The following FOXJ2 variants were observed in gnomAD, a reference collection of about 807,000 sequenced individuals.
The protein encoded by FOXJ2 is forkhead box protein J2.
Under a neutral mutation model 68.4 loss-of-function variants are expected in FOXJ2, and 18 were observed. That is an observed-to-expected ratio of 0.26 (90% CI 0.18 to 0.39). The LOEUF is 0.39. Among genes scored for constraint, FOXJ2 ranks in the 10% least tolerant of loss-of-function variants. FOXJ2 has a pLI of 1.00. For synonymous variants in FOXJ2, 274 were observed against 263.2 expected (o/e 1.04, Z -0.40); for missense variants, 670 against 726.5 (o/e 0.92, Z 0.89).
rs1433571553 is a variant in FOXJ2, at chr12:8,035,028, T to G, written c.-15+1195T>G. On this transcript the variant is annotated intron_variant, in intron 1 of 10. Coordinates refer to ENST00000162391, the MANE Select transcript of FOXJ2 (RefSeq NM_018416.3). The surrounding 1 kb of genome is among the most constrained non-coding windows in gnomAD (Gnocchi z 4.0). ...ATCTGACTTGGCCTTTCATATTTCC[T>G]CCTCTCTCTGGGGCATGGGTGAGGT... is the stretch of plus-strand genomic sequence containing the variant. Among the ~76,000 whole-genome samples, 1 of 152,156 alleles carries G rather than the reference T, an allele frequency of 6.6e-6. No individual in the cohort carries two copies. The highest frequency in any genetic ancestry group is 2.1e-4 in the South Asian group (1 of 4,824).
At chr12:8,042,106 GAC>G (rs941375194) in intron 2 of FOXJ2, among the ~76,000 whole-genome samples, 1 of 152,054 alleles carries the variant, frequency 6.6e-6, no homozygotes, top group African/African-American at 2.4e-5. Context: ...TCGAACTCCT[GAC>G]CTCAGGTGAT....
intron 5 of FOXJ2, 48 bp from the exon 6 acceptor site, chr12:8,044,712 G>A (rs377435807): frequency 5.9e-5 from 94 of 1,604,054 alleles, no homozygotes; most frequent in Non-Finnish European, 7.7e-5. Flanking sequence ...GGTTTTATTG[G>A]TCCCTCAGCT....
intron 9 of FOXJ2, 150 bp from the exon 10 acceptor site, chr12:8,050,372 C>G: frequency 7.1e-7 from 1 of 1,402,126 alleles, no homozygotes; most frequent in Non-Finnish European, 9.3e-7. Context: ...ACAGCTTCTG[C>G]AGAAAGCCTT....
Position 8,050,643 on chromosome 12 carries a change from C to A in FOXJ2, c.1636+23C>A, listed in dbSNP as rs1166457156. The A allele has an allele frequency of 1.9e-6, 3 of 1,613,194 alleles. No homozygotes were observed. The African/African-American group carries it at 4.0e-5, about 22-fold the overall frequency. On this transcript the variant is annotated intron_variant, in intron 10 of 10. Transcript: ENST00000162391. ...CAGGTAAGAGCTAAGAAGCTTGTTT[C>A]AAAACCGTTGTACTCTGATGAGTTG...
In FOXJ2 at chr12:8,040,183, A is replaced by G; in HGVS notation, c.333+18A>G. The G allele has an allele frequency of 6.2e-7, 1 of 1,611,512 alleles. No homozygotes were observed. The highest frequency in any genetic ancestry group is 8.5e-7 in the Non-Finnish European group (1 of 1,178,096). ...GTTGGAAGGTGGGAATGCTTCTATA[A>G]TCTTGGCTTAGGTTTAGGCTTCAAC... On this transcript the variant is annotated intron_variant, in intron 2 of 10. Coordinates refer to ENST00000162391, the MANE Select transcript of FOXJ2 (RefSeq NM_018416.3). The surrounding 1 kb of genome is among the most constrained non-coding windows in gnomAD (Gnocchi z 4.0).
chr12:8,052,858 C>CAA lies in FOXJ2; in HGVS notation c.*9_*10insAA. On this transcript the variant is annotated 3_prime_UTR_variant, in exon 11 of 11. Transcript: ENST00000162391. ...TGGGACTTGATCACTTAGTGCATCA[C>CAA]AGAGTGTGGACATCAGCCCAGGGCC... 6.3e-7 allele frequency: 1 copy of CAA among 1,599,512 alleles called. No individual in the cohort carries two copies. Among genetic ancestry groups the CAA allele is most frequent in the Non-Finnish European group, 8.5e-7 (1 of 1,170,968 alleles).
At chr12:8,050,818 C>T (rs757279352) in intron 10 of FOXJ2, among the ~76,000 whole-genome samples, 198 bp downstream of exon 10, 184 of 145,374 alleles carry the variant, frequency 1.3e-3, no homozygotes, top group African/African-American at 4.5e-3. Flanking sequence ...ACAGTGTCCC[C>T]TCCCCTCCCT....
At chr12:8,047,095 C>A (rs886318706) in intron 6 of FOXJ2, among the ~76,000 whole-genome samples, 1 of 152,062 alleles carries the variant, frequency 6.6e-6, no homozygotes, top group East Asian at 1.9e-4. Flanking sequence ...CCTGTCTCTG[C>A]TCCTTACCCA....
chr12:8,050,483 C>A, intron 9 of FOXJ2, 39 bp from the exon 10 acceptor site: 1 of 1,586,592 alleles, frequency 6.3e-7, no homozygotes, highest in Non-Finnish European at 8.6e-7. Context: ...CAGTGACCCG[C>A]CCCCCCCAAC....
At position 8,035,377 on chromosome 12, in the gene FOXJ2, G is replaced by C. The variant is rs938529056; in HGVS notation, c.-15+1544G>C. Reference sequence around the variant, plus strand: ...CTCCCCCCAGTCAATGGGAGCCCTCGTGACGGTCTACAGGACAGTCCTTTA... The same window carrying C: ...CTCCCCCCAGTCAATGGGAGCCCTCCTGACGGTCTACAGGACAGTCCTTTA... On this transcript the variant is annotated intron_variant, in intron 1 of 10. Coordinates refer to ENST00000162391, the MANE Select transcript of FOXJ2 (RefSeq NM_018416.3). The surrounding 1 kb of genome is among the most constrained non-coding windows in gnomAD (Gnocchi z 4.0). Among the ~76,000 whole-genome samples, 2 of 152,096 alleles carry C rather than the reference G, an allele frequency of 1.3e-5. No individual in the cohort carries two copies. The highest frequency in any genetic ancestry group is 4.8e-5 in the African/African-American group (2 of 41,412).
chr12:8,036,546 C>G (rs1254648158), intron 1 of FOXJ2, among the ~76,000 whole-genome samples: 2 of 145,764 alleles, frequency 1.4e-5, no homozygotes, highest in Admixed American at 1.3e-4. Flanking sequence ...TCTGCCCAAG[C>G]CCCGTGGCAC....
rs770131517 is a variant in FOXJ2, at chr12:8,047,918, A to G, written c.854A>G (p.Asn285Ser). 3.7e-6 allele frequency: 6 copies of G among 1,607,440 alleles called. No individual in the cohort carries two copies. In the South Asian group the frequency reaches 5.5e-5, roughly 15 times the overall value. Residue 285 changes from asparagine to serine, a missense_variant, in exon 7 of 11, where the codon AAC (asparagine) becomes AGC (serine). By Grantham distance (46) the Asn-to-Ser change is conservative (BLOSUM62 1). Coordinates refer to ENST00000162391, the MANE Select transcript of FOXJ2 (RefSeq NM_018416.3). ...SSLLGDIPPSNNYYMYQQQQP... is the reference protein window; with the variant it reads ...SSLLGDIPPSSNYYMYQQQQP... ...CTCCTGGGGGACATCCCACCCTCGA[A>G]CAACTACTACATGTATCAGCAGCAG...
chr12:8,044,833 C>G lies in FOXJ2; in HGVS notation c.692C>G (p.Pro231Arg), dbSNP rs780996381. The change falls in exon 6 of 11, where the codon CCC becomes CGC. Residue 231 changes from proline (P) to arginine (R), a missense_variant. Pro to Arg is a moderately radical substitution (Grantham distance 103). This residue lies in a region of FOXJ2 where 555 missense variants were observed against 562.2 expected (regional missense o/e 0.99). Coordinates refer to ENST00000162391, the MANE Select transcript of FOXJ2 (RefSeq NM_018416.3). ...SGRESAEGPP[P>R]LYNTNHDFKF... ...CGAGAAAGTGCTGAGGGTCCCCCTC[C>G]CCTCTATAACACCAACCATGACTTT... is the stretch of plus-strand genomic sequence containing the variant. The G allele has an allele frequency of 6.2e-7, 1 of 1,613,980 alleles. No homozygotes were observed. The highest frequency in any genetic ancestry group is 8.5e-7 in the Non-Finnish European group (1 of 1,179,898).
In FOXJ2 at chr12:8,040,134, C is replaced by T. The variant is rs1196534950; in HGVS notation, c.302C>T (p.Pro101Leu). 1.2e-6 allele frequency: 2 copies of T among 1,614,150 alleles called. No homozygotes were observed. Among genetic ancestry groups the T allele is most frequent in the South Asian group, 2.2e-5 (2 of 91,080 alleles). The change falls in exon 2 of 11, where the codon CCC becomes CTC. Residue 101 changes from proline (P) to leucine (L), a missense_variant. Physicochemically the swap from Pro to Leu is moderately conservative, Grantham distance 98. Coordinates refer to ENST00000162391, the MANE Select transcript of FOXJ2 (RefSeq NM_018416.3). The surrounding 1 kb of genome is among the most constrained non-coding windows in gnomAD (Gnocchi z 4.0). ...EIYRWICDNF[P>L]YYKNAGIGWK... ...TACCGCTGGATCTGTGATAACTTCC[C>T]CTATTACAAGAATGCTGGCATTGGT... is the stretch of plus-strand genomic sequence containing the variant.
At position 8,054,507 on chromosome 12, in the gene FOXJ2, C is replaced by T. The variant is rs1947163228; in HGVS notation, c.*1657C>T. On this transcript the variant is annotated 3_prime_UTR_variant, in exon 11 of 11. Coordinates refer to ENST00000162391, the MANE Select transcript of FOXJ2 (RefSeq NM_018416.3). ...CTCCTGCTTTTTTCTTTCATCCACCCCTTTCCTTTTTTTGGAAGGGGGTTA... is the reference window on the plus strand; with the variant it reads ...CTCCTGCTTTTTTCTTTCATCCACCTCTTTCCTTTTTTTGGAAGGGGGTTA... The T allele has an allele frequency of 6.5e-6, 1 of 152,688 alleles. No homozygotes were observed. The highest frequency in any genetic ancestry group is 2.1e-4 in the South Asian group (1 of 4,828). The allele number at this position is 152,688 out of a possible 1,614,324, so 9.5% of individuals were successfully genotyped here. A position where few individuals can be genotyped will look rare whatever the true frequency, so the allele number is the denominator to read the frequency against.
chr12:8,037,038 G>A (rs185958359), intron 1 of FOXJ2, among the ~76,000 whole-genome samples: 7 of 152,294 alleles, frequency 4.6e-5, no homozygotes, highest in Admixed American at 4.6e-4. Flanking sequence ...GCAGTGAGCC[G>A]AGATCGCGCC....
intron 1 of FOXJ2, among the ~76,000 whole-genome samples, chr12:8,037,429 G>C (rs1289888387): frequency 2.0e-5 from 3 of 152,204 alleles, no homozygotes; most frequent in Non-Finnish European, 4.4e-5. Flanking sequence ...CTAACCTGGT[G>C]CTAGGGTAAG....
In FOXJ2 at chr12:8,040,511, TC is replaced by T. The variant is rs1374088059; in HGVS notation, c.333+349del. ...ATCTCGGCTCACTGCAACTTCCACC[TC>T]CCAGGTTCAAGCGATTTTCCTGCCT... On this transcript the variant is annotated intron_variant, in intron 2 of 10. Coordinates refer to ENST00000162391, the MANE Select transcript of FOXJ2 (RefSeq NM_018416.3). This position sits in a 1 kb window ranked among gnomAD's most constrained non-coding sequence, Gnocchi z 4.0. Among the ~76,000 whole-genome samples the T allele has an allele frequency of 6.6e-6, 1 of 151,770 alleles. No individual in the cohort carries two copies. The highest frequency in any genetic ancestry group is 1.5e-5 in the Non-Finnish European group (1 of 67,954).
intron 6 of FOXJ2, 143 bp downstream of exon 6, chr12:8,045,101 T>C: frequency 1.3e-6 from 1 of 791,182 alleles, no homozygotes; most frequent in South Asian, 1.8e-5. Context: ...TGGAGTGCAG[T>C]GGCACGATCT....
Sources: gnomAD v4.1 joint callset for allele counts (sites outside exome capture counted in the v4.1 genomes callset) on GRCh38, gnomAD v4.1.1 for gene constraint, gnomAD v4.1.1 regional missense constraint, Gnocchi (gnomAD v3.1) non-coding constraint, MANE v1.5 for transcripts, NCBI Gene and HGNC (gene_info 2026-07-23, HGNC 2026-07-21) for gene names.